CAMK1D: variants seen among roughly 807,000 people sequenced by gnomAD.
CAMK1D encodes the protein calcium/calmodulin dependent protein kinase ID.
In CAMK1D, 9 loss-of-function variants were observed where a neutral mutation model predicts 47.7. That is an observed-to-expected ratio of 0.19 (90% CI 0.11 to 0.33). The LOEUF is 0.33. Ranked by LOEUF, CAMK1D falls within the 10% of genes least tolerant of loss-of-function variation. The probability of loss-of-function intolerance (pLI) is 1.00; values close to 1 mark genes in which losing one functional copy is unlikely to be tolerated. For missense variants in CAMK1D, 291 were observed against 488.7 expected, an observed-to-expected ratio of 0.60 and a Z score of 3.81; for synonymous variants, 184 against 184.9, an observed-to-expected ratio of 0.99 and a Z score of 0.04.
chr10:12,719,987 G>C (rs113659920), intron 3 of CAMK1D, among the ~76,000 whole-genome samples: 1,802 of 152,316 alleles, frequency 0.012, 26 homozygotes, highest in African/African-American at 0.04. Context: ...CTTCTGAGAT[G>C]CTGATTCAGT....
At chr10:12,825,874 CG>C (rs1215619931) in intron 10 of CAMK1D, 184 bp downstream of exon 10, 2 of 927,366 alleles carry the variant, frequency 2.2e-6, no homozygotes, top group African/African-American at 3.3e-5. Context: ...CAGTGGCTCA[CG>C]CCTGTAATCC....
intron 1 of CAMK1D, among the ~76,000 whole-genome samples, chr10:12,363,043 C>A (rs1397628546): frequency 6.6e-6 from 1 of 150,896 alleles, no homozygotes; most frequent in African/African-American, 2.4e-5. Flanking sequence ...CGGGTACAAG[C>A]AATTCTCCTG....
chr10:12,405,371 G>T (rs1030201984), intron 1 of CAMK1D, among the ~76,000 whole-genome samples: 1 of 152,178 alleles, frequency 6.6e-6, no homozygotes, highest in Non-Finnish European at 1.5e-5. Flanking sequence ...GCACTCATCA[G>T]CGAGCCTCGG....
At chr10:12,571,599 T>C (rs1249322138) in intron 2 of CAMK1D, among the ~76,000 whole-genome samples, 1 of 152,128 alleles carries the variant, frequency 6.6e-6, no homozygotes, top group African/African-American at 2.4e-5. Context: ...GGTGTAGGAA[T>C]CCTTGCTTCA....
chr10:12,748,151 C>T (rs1290427128), intron 3 of CAMK1D, among the ~76,000 whole-genome samples: 2 of 152,216 alleles, frequency 1.3e-5, no homozygotes, highest in Non-Finnish European at 2.9e-5. Context: ...TTCCTCTCTT[C>T]ACCCTCCACA....
intron 1 of CAMK1D, among the ~76,000 whole-genome samples, chr10:12,513,525 G>A (rs1835100949): frequency 6.6e-6 from 1 of 152,150 alleles, no homozygotes; most frequent in Non-Finnish European, 1.5e-5. Flanking sequence ...GGTGATTCAT[G>A]CCTGTAATCC....
At chr10:12,460,609 T>C (rs1833394627) in intron 1 of CAMK1D, among the ~76,000 whole-genome samples, 1 of 152,154 alleles carries the variant, frequency 6.6e-6, no homozygotes, top group African/African-American at 2.4e-5. Context: ...TTTGTATTTT[T>C]AGTAGACATG....
chr10:12,537,965 G>A (rs114670147), intron 1 of CAMK1D, among the ~76,000 whole-genome samples: 43 of 152,226 alleles, frequency 2.8e-4, no homozygotes, highest in African/African-American at 1.0e-3. Context: ...GCACGGCCAA[G>A]GCATTGGAAC....
chr10:12,731,417 G>A (rs1241525630), intron 3 of CAMK1D, among the ~76,000 whole-genome samples: 1 of 152,218 alleles, frequency 6.6e-6, no homozygotes, highest in East Asian at 1.9e-4. Flanking sequence ...GAGAAGTTGT[G>A]AAATAGTTGT....
intron 1 of CAMK1D, among the ~76,000 whole-genome samples, chr10:12,463,185 G>T (rs1238672311): frequency 6.6e-6 from 1 of 150,980 alleles, no homozygotes; most frequent in Admixed American, 6.6e-5. Flanking sequence ...GTTCAGGCAG[G>T]AGAGAGCAAT....
rs909285365 is a variant in CAMK1D, at chr10:12,350,128, C to T, written c.92+218C>T. Among the ~76,000 whole-genome samples the T allele has an allele frequency of 2.6e-5, 4 of 152,210 alleles. No individual in the cohort carries two copies. In the South Asian group the frequency reaches 8.3e-4, roughly 32 times the overall value. ...CGTTCCCGGGAGGGGGAGGGGGCAG[C>T]GCCGGGCTGTCAGGGAGCAGCCCAC... On this transcript the variant is annotated intron_variant, in intron 1 of 10. Coordinates refer to ENST00000619168, the MANE Select transcript of CAMK1D (RefSeq NM_153498.4).
rs1400467509 is a variant in CAMK1D, at chr10:12,404,046, TTTTTC to T, written c.92+54141_92+54145del. ...GGGCATGTAGTTTTTTGAGCTTTTC[TTTTTC>T]TTTTTTTTTTTGAGACTGAGTTTCG... On this transcript the variant is annotated intron_variant, in intron 1 of 10. Coordinates refer to ENST00000619168, the MANE Select transcript of CAMK1D (RefSeq NM_153498.4). Among the ~76,000 whole-genome samples the T allele has an allele frequency of 2.6e-5, 4 of 151,382 alleles. No individual in the cohort carries two copies. In the East Asian group the frequency reaches 7.7e-4, roughly 29 times the overall value.
At chr10:12,474,990 C>T (rs185008883) in intron 1 of CAMK1D, among the ~76,000 whole-genome samples, 1 of 151,828 alleles carries the variant, frequency 6.6e-6, no homozygotes, top group Admixed American at 6.6e-5. Flanking sequence ...TTTTCTTTAT[C>T]CAGTCTGCCA....
chr10:12,357,576 A>G (rs764639558), intron 1 of CAMK1D, among the ~76,000 whole-genome samples: 5 of 152,198 alleles, frequency 3.3e-5, no homozygotes, highest in Non-Finnish European at 7.3e-5. Flanking sequence ...TCAGCCTCAC[A>G]AAGTGGTGGG....
chr10:12,726,848 A>G (rs926873808), intron 3 of CAMK1D, among the ~76,000 whole-genome samples: 4 of 152,230 alleles, frequency 2.6e-5, no homozygotes, highest in Admixed American at 1.3e-4. Context: ...TTTTGCTTCA[A>G]CGGGATAGCT....
intron 1 of CAMK1D, among the ~76,000 whole-genome samples, chr10:12,502,527 G>T (rs1413708862): frequency 1.3e-5 from 2 of 152,150 alleles, no homozygotes; most frequent in African/African-American, 4.8e-5. Flanking sequence ...CAGCAGCCCC[G>T]CAAGGCAGAC....
chr10:12,442,027 A>G (rs1292140939), intron 1 of CAMK1D, among the ~76,000 whole-genome samples: 3 of 152,186 alleles, frequency 2.0e-5, no homozygotes. Flanking sequence ...GGAAATGTGT[A>G]TTTTTCAAGT....
At chr10:12,369,014 A>T (rs1837932693) in intron 1 of CAMK1D, among the ~76,000 whole-genome samples, 1 of 152,002 alleles carries the variant, frequency 6.6e-6, no homozygotes, top group Non-Finnish European at 1.5e-5. Flanking sequence ...ATGGGTTTTC[A>T]CTATGTTGAC....
rs1349695612 is a variant in CAMK1D at position 12,564,135 on chromosome 10, CTCTCTCTCTCTG to C, written c.224+10791_224+10802del. Among the ~76,000 whole-genome samples the C allele has an allele frequency of 3.5e-3, 341 of 96,386 alleles. 4 individuals are homozygous for C. Among genetic ancestry groups the C allele is most frequent in the African/African-American group, 0.012 (323 of 27,966 alleles). 63.2% of individuals were successfully genotyped at this position (96,386 alleles called of 152,430 possible). On this transcript the variant is annotated intron_variant, in intron 2 of 10. Transcript: ENST00000619168. Reference sequence around the variant, plus strand: ...TGTCTAGATGTCTCTCTCTCTCTCTCTCTCTCTCTCTGTCTCTCTCTCTCTCTCTCTCTCTCT... The same window carrying C: ...TGTCTAGATGTCTCTCTCTCTCTCTCTCTCTCTCTCTCTCTCTCTCTCTCT...
Sources: allele counts gnomAD v4.1 joint callset (sites outside exome capture counted in the v4.1 genomes callset), GRCh38; gene constraint gnomAD v4.1.1; transcripts MANE v1.5; gene names NCBI Gene and HGNC (gene_info 2026-07-23, HGNC 2026-07-21).